Variants in TP73 observed in about 807,000 individuals in gnomAD.
TP73 encodes the protein tumor protein p73, also known as p53-like transcription factor.
A neutral mutation model predicts 62.5 loss-of-function variants in TP73; 25 were observed. The ratio of observed to expected loss-of-function variants is 0.40; its 90% CI spans 0.29 to 0.56. The LOEUF is 0.56. Among genes scored for constraint, TP73 ranks in the 20% least tolerant of loss-of-function variants. The pLI, the probability that TP73 is intolerant of heterozygous loss-of-function variation, is 0.46. For missense variants in TP73, 754 were observed against 913.3 expected, an observed-to-expected ratio of 0.83 and a Z score of 2.25; for synonymous variants, 423 against 377.5, an observed-to-expected ratio of 1.12 and a Z score of -1.40.
At chr1:3,682,555 A>C in intron 2 of TP73, 125 bp downstream of exon 2, 5 of 948,312 alleles carry the variant, frequency 5.3e-6, no homozygotes, top group Non-Finnish European at 7.3e-6. Context: ...ACTCTGGGCT[A>C]GCCCCAGCCA....
chr1:3,726,853 G>A (rs572201332), intron 6 of TP73, among the ~76,000 whole-genome samples: 1 of 148,270 alleles, frequency 6.7e-6, no homozygotes, highest in East Asian at 2.1e-4. Flanking sequence ...GGATGGATGG[G>A]GTTGGTGGAT....
At position 3,682,394 on chromosome 1, in the gene TP73, A is replaced by G; in HGVS notation, c.29A>G (p.Asp10Gly). Reference protein sequence around the residue: MAQSTATSPDGGTTFEHLWS... With the variant: MAQSTATSPGGGTTFEHLWS... ...GCCCAGTCCACCGCCACCTCCCCTGATGGGGGCACCACGTTTGAGCACCTC... is the reference window on the plus strand; with the variant it reads ...GCCCAGTCCACCGCCACCTCCCCTGGTGGGGGCACCACGTTTGAGCACCTC... The change falls in exon 2 of 14, where the codon GAT becomes GGT. Residue 10 changes from aspartate (D) to glycine (G), a missense_variant. This residue lies in a region of TP73 where 235 missense variants were observed against 251.4 expected (regional missense o/e 0.93). Transcript: ENST00000378295. 4 of 1,564,732 alleles carry G rather than the reference A, an allele frequency of 2.6e-6. No individual in the cohort carries two copies. Among genetic ancestry groups the G allele is most frequent in the Non-Finnish European group, 3.5e-6 (4 of 1,152,200 alleles).
intron 2 of TP73, among the ~76,000 whole-genome samples, chr1:3,682,703 C>T (rs1645553443): frequency 1.3e-5 from 2 of 152,246 alleles, no homozygotes; most frequent in African/African-American, 4.8e-5. Context: ...TAGCCACCCT[C>T]ATCAGCTTGG....
chr1:3,690,805 G>C, intron 3 of TP73: 1 of 1,531,458 alleles, frequency 6.5e-7, no homozygotes, highest in Non-Finnish European at 8.8e-7. Context: ...CACGCTGCCG[G>C]GCGGCCACGA....
intron 1 of TP73, among the ~76,000 whole-genome samples, chr1:3,660,511 C>A (rs1210089493): frequency 2.0e-5 from 3 of 152,190 alleles, no homozygotes; most frequent in African/African-American, 7.2e-5. Context: ...AAGCAAATAA[C>A]TCTATGGCCG....
chr1:3,732,991 A>G lies in TP73; in HGVS notation c.1823A>G (p.Glu608Gly). 5 of 1,587,872 alleles carry G rather than the reference A, an allele frequency of 3.1e-6. No individual in the cohort carries two copies. Among genetic ancestry groups the G allele is most frequent in the Non-Finnish European group, 4.3e-6 (5 of 1,170,632 alleles). ...GGCGGCCCAGGCGGCGGCCCTGACG[A>G]GTGGGCGGACTTCGGCTTCGACCTG... ...NRGGPGGGPD[E>G]WADFGFDLPD... Residue 608 changes from glutamate to glycine, a missense_variant, in exon 14 of 14, where the codon GAG becomes GGG. Around this residue, in one of 3 missense-constraint regions of TP73, gnomAD observed 458 missense variants for 528.7 expected, o/e 0.87. Transcript: ENST00000378295.
At chr1:3,725,371 AGTGGGTGGATGG>A (rs1396608222) in intron 6 of TP73, among the ~76,000 whole-genome samples, 1 of 25,982 alleles carries the variant, frequency 3.8e-5, no homozygotes, top group Non-Finnish European at 7.1e-5. Flanking sequence ...GGATGGGGTG[AGTGGGTGGATGG>A]GTGGATGGAT....
At chr1:3,711,137 G>A (rs549410630) in intron 4 of TP73, among the ~76,000 whole-genome samples, 146 of 152,368 alleles carry the variant, frequency 9.6e-4, no homozygotes, top group African/African-American at 3.2e-3. Flanking sequence ...TGCAAAGAGA[G>A]GTATGGCCTG....
intron 2 of TP73, 79 bp from the exon 3 acceptor site, chr1:3,682,981 T>C (rs975640636): frequency 1.3e-6 from 2 of 1,527,552 alleles, no homozygotes; most frequent in African/African-American, 2.7e-5. Flanking sequence ...CAGGCTAGCC[T>C]TGAGCTCTGG....
chr1:3,728,979 C>T (rs3903076), intron 9 of TP73, among the ~76,000 whole-genome samples: 2,376 of 144,154 alleles, frequency 0.016, 54 homozygotes, highest in Non-Finnish European at 0.016. Flanking sequence ...CAGAGCAAGA[C>T]GCTGTCGAAA....
At chr1:3,680,310 C>T (rs1645490801) in intron 1 of TP73, among the ~76,000 whole-genome samples, 1 of 152,176 alleles carries the variant, frequency 6.6e-6, no homozygotes, top group Non-Finnish European at 1.5e-5. Flanking sequence ...TGCTGATGGG[C>T]GTCTGGGCTA....
In TP73 at chr1:3,657,940, A is replaced by G. The variant is rs183025352; in HGVS notation, c.-34+5299A>G. 2.0e-4 allele frequency among the ~76,000 whole-genome samples: 30 copies of G among 152,288 alleles called. 1 individual carries two copies. Among genetic ancestry groups the G allele is most frequent in the African/African-American group, 7.0e-4 (29 of 41,548 alleles). On this transcript the variant is annotated intron_variant, in intron 1 of 13. Transcript: ENST00000378295. ...ATTGAACAAGAAGCCCCACCGGGAG[A>G]GGCGAGACCCGGGCCCCAGCCCTGG...
At chr1:3,657,664 A>T (rs1644892647) in intron 1 of TP73, among the ~76,000 whole-genome samples, 1 of 152,212 alleles carries the variant, frequency 6.6e-6, no homozygotes, top group African/African-American at 2.4e-5. Context: ...CCATGGCGCA[A>T]ACGGGGAAGA....
Position 3,693,108 on chromosome 1 carries a change from A to G in TP73, c.186+9928A>G, listed in dbSNP as rs551536267. ...GTGGAGGCAGTGCCCAGAGCCAGCC[A>G]TGTCTCCAGCACCTCTTCCCTCTCG... On this transcript the variant is annotated intron_variant, in intron 3 of 13. Coordinates refer to ENST00000378295, the MANE Select transcript of TP73 (RefSeq NM_005427.4). Among the ~76,000 whole-genome samples, 4 of 148,272 alleles carry G rather than the reference A, an allele frequency of 2.7e-5. No homozygotes were observed. In the East Asian group the frequency reaches 7.8e-4, roughly 29 times the overall value.
At chr1:3,719,621 T>C (rs1640893648) in intron 4 of TP73, among the ~76,000 whole-genome samples, 1 of 152,238 alleles carries the variant, frequency 6.6e-6, no homozygotes, top group Admixed American at 6.5e-5. Flanking sequence ...AGAGGGTCTG[T>C]GCTGCGAGCT....
rs1236512014 is a variant in TP73 at position 3,652,583 on chromosome 1, G to C, written c.-92G>C. The C allele has an allele frequency of 6.6e-6, 1 of 151,830 alleles. No individual in the cohort carries two copies. Among genetic ancestry groups the C allele is most frequent in the Non-Finnish European group, 1.5e-5 (1 of 67,970 alleles). 9.4% of individuals were successfully genotyped at this position (151,830 alleles called of 1,614,324 possible). The stretch of plus-strand genomic sequence containing the variant: ...CCCGCGAAGGGGACGCAGCGAAACC[G>C]GGGCCCGCGCCAGGCCAGCCGGGAC... On this transcript the variant is annotated 5_prime_UTR_variant, in exon 1 of 14. Transcript: ENST00000378295.
chr1:3,659,821 G>T (rs551095366), intron 1 of TP73, among the ~76,000 whole-genome samples: 36 of 143,104 alleles, frequency 2.5e-4, no homozygotes, highest in African/African-American at 7.9e-4. Context: ...TTACAGGCAT[G>T]CACCACCACT....
At chr1:3,682,727 C>T (rs535057050) in intron 2 of TP73, among the ~76,000 whole-genome samples, 9 of 152,272 alleles carry the variant, frequency 5.9e-5, no homozygotes, top group Non-Finnish European at 1.0e-4. Flanking sequence ...CAGGGCGGGT[C>T]GGAGGGGCAG....
intron 1 of TP73, among the ~76,000 whole-genome samples, chr1:3,660,025 T>C (rs72857326): frequency 1.8e-3 from 271 of 152,320 alleles, no homozygotes; most frequent in African/African-American, 6.2e-3. Context: ...CTCATTAAAA[T>C]TGGCCTGATT....
Sources: gnomAD v4.1 joint callset for allele counts (sites outside exome capture counted in the v4.1 genomes callset) on GRCh38, gnomAD v4.1.1 for gene constraint, gnomAD v4.1.1 regional missense constraint, MANE v1.5 for transcripts, NCBI Gene and HGNC (gene_info 2026-07-23, HGNC 2026-07-21) for gene names.